Variants in EIF4G3 observed in about 807,000 individuals in gnomAD.
EIF4G3 encodes eIF-4-gamma 3.
In EIF4G3, 34 loss-of-function variants were observed where a neutral mutation model predicts 186.4. The ratio of observed to expected loss-of-function variants is 0.18; its 90% CI spans 0.14 to 0.24. The LOEUF (loss-of-function observed/expected upper bound fraction) is 0.24. Ranked by LOEUF, EIF4G3 falls within the 10% of genes least tolerant of loss-of-function variation. The pLI is 1.00. For missense variants in EIF4G3, 1,536 were observed against 1,948.5 expected, an observed-to-expected ratio of 0.79 and a Z score of 3.99; for synonymous variants, 673 against 679.5, an observed-to-expected ratio of 0.99 and a Z score of 0.15.
intron 14 of EIF4G3, among the ~76,000 whole-genome samples, chr1:20,927,149 T>C (rs998131665): frequency 2.6e-5 from 4 of 151,492 alleles, no homozygotes; most frequent in Admixed American, 2.0e-4. Context: ...GTTCAAGCAA[T>C]TCTCCTGCCT....
In EIF4G3 at chr1:20,980,389, C is replaced by A; in HGVS notation, c.438G>T (p.Pro146=). 6.5e-7 allele frequency: 1 copy of A among 1,547,664 alleles called. No homozygotes were observed. Among genetic ancestry groups the A allele is most frequent in the African/African-American group, 1.4e-5 (1 of 69,462 alleles). Residue 146 remains proline (P), a synonymous_variant, in exon 10 of 37, where the codon CCG becomes CCT. Transcript: ENST00000602326. ...GPPQQYPVQP[P]GPGPFYPGPG... The stretch of plus-strand genomic sequence containing the variant: ...GTCCAGGATAAAAAGGACCTGGCCC[C>A]GGTGGTTGAACTGGATATTGTTGGG...
intron 4 of EIF4G3, among the ~76,000 whole-genome samples, chr1:21,017,174 C>T (rs563063540): frequency 2.6e-5 from 4 of 152,202 alleles, no homozygotes; most frequent in South Asian, 2.1e-4. Context: ...CATGGATGAG[C>T]TTTGAGGACA....
chr1:20,940,174 A>G (rs1478468867), intron 14 of EIF4G3, among the ~76,000 whole-genome samples: 5 of 152,066 alleles, frequency 3.3e-5, no homozygotes, highest in Non-Finnish European at 7.4e-5. Flanking sequence ...GTTTTTCTAA[A>G]GGGTAACTGA....
chr1:21,009,336 T>C (rs886587037), intron 4 of EIF4G3, among the ~76,000 whole-genome samples: 3 of 151,748 alleles, frequency 2.0e-5, no homozygotes, highest in African/African-American at 7.3e-5. Context: ...CATACCACAA[T>C]GCCTGACTAA....
chr1:20,846,238 G>A (rs541726847), intron 29 of EIF4G3, among the ~76,000 whole-genome samples: 4 of 152,150 alleles, frequency 2.6e-5, no homozygotes, highest in Non-Finnish European at 5.9e-5. Context: ...TGCAAACAGG[G>A]AGAGTTTGAC....
chr1:20,839,395 G>A (rs1385532764), intron 30 of EIF4G3, among the ~76,000 whole-genome samples: 2 of 152,188 alleles, frequency 1.3e-5, no homozygotes, highest in Non-Finnish European at 2.9e-5. Flanking sequence ...ACAGGCGTGA[G>A]TCACCACGCC....
At chr1:20,954,887 G>A (rs955591290) in intron 12 of EIF4G3, among the ~76,000 whole-genome samples, 5 of 152,210 alleles carry the variant, frequency 3.3e-5, no homozygotes, top group African/African-American at 4.8e-5. Context: ...ACTTTGTGAC[G>A]TATGTGAGGA....
chr1:21,053,452 T>C (rs1333223677), intron 3 of EIF4G3, among the ~76,000 whole-genome samples: 2 of 148,212 alleles, frequency 1.3e-5, no homozygotes, highest in Non-Finnish European at 3.0e-5. Flanking sequence ...AGCCGCCCCG[T>C]CCGGGAGGTG....
intron 12 of EIF4G3, among the ~76,000 whole-genome samples, chr1:20,951,924 T>C (rs1018589669): frequency 6.6e-6 from 1 of 152,134 alleles, no homozygotes; most frequent in African/African-American, 2.4e-5. Context: ...AAAGAATCTA[T>C]GTATAAAGAG....
At chr1:21,108,580 G>T (rs1466232183) in intron 2 of EIF4G3, among the ~76,000 whole-genome samples, 2 of 152,124 alleles carry the variant, frequency 1.3e-5, no homozygotes, top group African/African-American at 2.4e-5. Context: ...AATGCTTAAA[G>T]ATGTTAAAGA....
chr1:20,879,298 G>A (rs563012472), intron 20 of EIF4G3, 25 bp downstream of exon 20: 18 of 1,545,190 alleles, frequency 1.2e-5, no homozygotes, highest in Admixed American at 3.8e-5. Context: ...AAGATTTCTC[G>A]TTTTACTCCT....
chr1:21,043,503 C>T (rs959041743), intron 4 of EIF4G3, among the ~76,000 whole-genome samples: 1 of 152,102 alleles, frequency 6.6e-6, no homozygotes, highest in African/African-American at 2.4e-5. Context: ...AAATGGAATT[C>T]TTTTCGGCTA....
At chr1:21,167,227 T>C (rs1267621345) in intron 2 of EIF4G3, among the ~76,000 whole-genome samples, 1 of 152,232 alleles carries the variant, frequency 6.6e-6, no homozygotes, top group Non-Finnish European at 1.5e-5. Flanking sequence ...CTGGCTGTGT[T>C]CATTTTCTAT....
chr1:20,998,033 A>G (rs2082670050), intron 6 of EIF4G3, among the ~76,000 whole-genome samples: 1 of 152,172 alleles, frequency 6.6e-6, no homozygotes, highest in Admixed American at 6.6e-5. Flanking sequence ...GCTGGAGGAA[A>G]TGAGAAAGCT....
chr1:21,094,595 G>C (rs1425769329), intron 2 of EIF4G3, among the ~76,000 whole-genome samples: 1 of 145,068 alleles, frequency 6.9e-6, no homozygotes, highest in Non-Finnish European at 1.5e-5. Context: ...CACAGGAAAG[G>C]GAACATCACA....
At chr1:20,840,158 C>G (rs1268862444) in intron 30 of EIF4G3, among the ~76,000 whole-genome samples, 1 of 152,184 alleles carries the variant, frequency 6.6e-6, no homozygotes, top group African/African-American at 2.4e-5. Context: ...TCACTTTAAA[C>G]ATTGGTTATA....
intron 29 of EIF4G3, among the ~76,000 whole-genome samples, chr1:20,842,540 T>A (rs1387027075): frequency 6.6e-6 from 1 of 152,040 alleles, no homozygotes; most frequent in Non-Finnish European, 1.5e-5. Context: ...GCTAATTTTG[T>A]ATTTTTAGTA....
chr1:20,994,571 A>G (rs1321768332), intron 7 of EIF4G3, among the ~76,000 whole-genome samples: 4 of 152,022 alleles, frequency 2.6e-5, no homozygotes, highest in Non-Finnish European at 5.9e-5. Flanking sequence ...AACTATTGTT[A>G]GATGATAATT....
Position 21,176,226 on chromosome 1 carries a change from ACCGCTGCCGCCG to A in EIF4G3, c.-335_-324del, listed in dbSNP as rs778824950. ...CCTGATGTTCGGGTGAGGAGGGGGG[ACCGCTGCCGCCG>A]CCGCCGCCGCCGCCGCCGCCGCCGC... On this transcript the variant is annotated 5_prime_UTR_variant, in exon 2 of 37. Coordinates refer to ENST00000602326, the MANE Select transcript of EIF4G3 (RefSeq NM_001391906.1). 1.8e-4 allele frequency: 74 copies of A among 400,652 alleles called. 3 individuals carry two copies. The highest frequency in any genetic ancestry group is 1.7e-3 in the South Asian group (27 of 15,796). 24.8% of individuals were successfully genotyped at this position (400,652 alleles called of 1,614,324 possible).
Sources: gnomAD v4.1 joint callset for allele counts (sites outside exome capture counted in the v4.1 genomes callset) on GRCh38, gnomAD v4.1.1 for gene constraint, MANE v1.5 for transcripts, NCBI Gene and HGNC (gene_info 2026-07-23, HGNC 2026-07-21) for gene names.